The following DMD variants were observed in gnomAD, a reference collection of about 807,000 sequenced individuals.
DMD encodes the protein dystrophin.
Under a neutral mutation model 330.1 loss-of-function variants are expected in DMD, and 63 were observed. That is an observed-to-expected ratio of 0.19 (90% CI 0.16 to 0.24). The LOEUF is 0.24. Among genes scored for constraint, DMD ranks in the 10% least tolerant of loss-of-function variants. The probability of loss-of-function intolerance (pLI) is 1.00; values close to 1 mark genes in which losing one functional copy is unlikely to be tolerated. For synonymous variants in DMD, 1,223 were observed against 959.8 expected (o/e 1.27, Z -5.07); for missense variants, 3,344 against 2,684.1 (o/e 1.25, Z -5.43).
chrX:32,444,979 A>C (rs1321577011), intron 27 of DMD, among the ~76,000 whole-genome samples: 1 of 111,217 alleles, frequency 9.0e-6, no homozygotes, highest in Non-Finnish European at 1.9e-5. Flanking sequence ...AAAGGTACGG[A>C]GTATAGGTAC....
chrX:31,417,355 G>A (rs888631978), intron 60 of DMD, among the ~76,000 whole-genome samples: 3 of 108,869 alleles, frequency 2.8e-5, no homozygotes, highest in African/African-American at 6.7e-5. Flanking sequence ...GCAGTGGCGC[G>A]ATCTCGGCTC....
At chrX:32,943,640 C>T (rs892344005) in intron 2 of DMD, among the ~76,000 whole-genome samples, 3 of 111,297 alleles carry the variant, frequency 2.7e-5, no homozygotes, top group Non-Finnish European at 5.7e-5. Context: ...ACAACTCAGT[C>T]TTTGCACATA....
chrX:31,500,795 C>T (rs1318937673), intron 56 of DMD, among the ~76,000 whole-genome samples: 1 of 112,087 alleles, frequency 8.9e-6, no homozygotes, highest in African/African-American at 3.2e-5. Flanking sequence ...AGGTATAAAA[C>T]AGCTGCTGAA....
intron 7 of DMD, among the ~76,000 whole-genome samples, chrX:32,789,696 A>C (rs1421193171): frequency 8.9e-6 from 1 of 111,800 alleles, no homozygotes; most frequent in Non-Finnish European, 1.9e-5. Context: ...CATTTATAAA[A>C]GAAGGATAAA....
At chrX:31,275,455 C>T (rs1247727656) in intron 62 of DMD, among the ~76,000 whole-genome samples, 1 of 111,022 alleles carries the variant, frequency 9.0e-6, no homozygotes, top group East Asian at 2.8e-4. Context: ...TTAATATGAA[C>T]AAGACCTTCA....
chrX:31,708,312 A>G (rs2148897523), intron 52 of DMD, among the ~76,000 whole-genome samples: 1 of 111,751 alleles, frequency 8.9e-6, no homozygotes, highest in Non-Finnish European at 1.9e-5. Context: ...AGAGATAAAA[A>G]TTCTTAGCTA....
chrX:31,364,751 C>T (rs182996487), intron 60 of DMD, among the ~76,000 whole-genome samples: 1 of 111,071 alleles, frequency 9.0e-6, no homozygotes, highest in Admixed American at 9.6e-5. Flanking sequence ...TTACCAACTG[C>T]GGCATTAATT....
At chrX:32,159,771 T>C (rs1043343259) in intron 44 of DMD, among the ~76,000 whole-genome samples, 5 of 111,358 alleles carry the variant, frequency 4.5e-5, no homozygotes, top group African/African-American at 1.6e-4. Context: ...AAACTAAGGG[T>C]CTAAACAGTC....
chrX:32,508,506 T>C (rs5927998), intron 18 of DMD, among the ~76,000 whole-genome samples: 43,710 of 110,505 alleles, frequency 0.4, 6,276 homozygotes, highest in East Asian at 0.53. Flanking sequence ...TCTGCTGTTA[T>C]CAGTTCTGTC....
At chrX:33,077,934 A>G (rs191306555) in intron 1 of DMD, among the ~76,000 whole-genome samples, 1 of 112,716 alleles carries the variant, frequency 8.9e-6, no homozygotes, top group African/African-American at 3.2e-5. Context: ...AATGCATTTT[A>G]GTCTTACTGT....
At chrX:32,783,864 T>C (rs899798895) in intron 7 of DMD, among the ~76,000 whole-genome samples, 2 of 110,697 alleles carry the variant, frequency 1.8e-5, no homozygotes, top group Admixed American at 1.9e-4. Context: ...GCATCATGGA[T>C]TGAAATAGTT....
chrX:32,202,031 G>C (rs1225382652), intron 44 of DMD, among the ~76,000 whole-genome samples: 1 of 111,567 alleles, frequency 9.0e-6, no homozygotes. Flanking sequence ...AGCCATACTT[G>C]TTTCATTGCT....
chrX:33,292,051 T>G (rs2053520248), intron 1 of DMD, among the ~76,000 whole-genome samples: 1 of 111,486 alleles, frequency 9.0e-6, no homozygotes. Context: ...TTTTCATCAA[T>G]CTTAGGAGTA....
Position 31,951,173 on chromosome X carries a change from A to ATATG in DMD, c.6614+17165_6614+17166insCATA, listed in dbSNP as rs1569521328. Among the ~76,000 whole-genome samples the ATATG allele has an allele frequency of 7.6e-4, 71 of 93,586 alleles. 1 individual carries two copies. Among genetic ancestry groups the ATATG allele is most frequent in the Non-Finnish European group, 1.2e-3 (58 of 47,127 alleles). The allele number at this position is 93,586 out of a possible 115,157, so 81.3% of individuals were successfully genotyped here. A position where few individuals can be genotyped will look rare whatever the true frequency, so the allele number is the denominator to read the frequency against. ...TATATATATATGTATATATATATAT[A>ATATG]TGTATATATATATATCTTAATAGAT... On this transcript the variant is annotated intron_variant, in intron 45 of 78. Transcript: ENST00000357033.
intron 51 of DMD, among the ~76,000 whole-genome samples, chrX:31,743,797 T>C (rs1280970971): frequency 5.4e-5 from 6 of 111,343 alleles, no homozygotes; most frequent in Non-Finnish European, 1.1e-4. Flanking sequence ...ATGTAATATA[T>C]CAAGGTAATA....
At chrX:32,538,487 G>A (rs974244377) in intron 17 of DMD, among the ~76,000 whole-genome samples, 8 of 109,460 alleles carry the variant, frequency 7.3e-5, no homozygotes, top group African/African-American at 2.0e-4. Context: ...TCTCCCTTCC[G>A]TGACTCTCTT....
At chrX:31,914,145 A>T (rs2094579977) in intron 47 of DMD, among the ~76,000 whole-genome samples, 1 of 111,955 alleles carries the variant, frequency 8.9e-6, no homozygotes, top group Admixed American at 9.5e-5. Flanking sequence ...AGTGGTGGGT[A>T]TGGGGGTGTG....
intron 44 of DMD, among the ~76,000 whole-genome samples, chrX:32,176,943 G>A (rs2685908): frequency 0.42 from 45,496 of 109,614 alleles, 7,158 homozygotes; most frequent in Admixed American, 0.59. Flanking sequence ...TATCCAATAC[G>A]TACTTACTGA....
At chrX:33,291,962 A>G (rs2053518524) in intron 1 of DMD, among the ~76,000 whole-genome samples, 1 of 111,923 alleles carries the variant, frequency 8.9e-6, no homozygotes, top group Non-Finnish European at 1.9e-5. Context: ...TTAACATTTA[A>G]TACACATTGT....
Sources: gnomAD v4.1 joint callset for allele counts (sites outside exome capture counted in the v4.1 genomes callset) on GRCh38, gnomAD v4.1.1 for gene constraint, MANE v1.5 for transcripts, NCBI Gene and HGNC (gene_info 2026-07-23, HGNC 2026-07-21) for gene names.